Variants in CCDC92 observed in about 807,000 individuals in gnomAD.
CCDC92 encodes coiled-coil domain containing 92, also known as coiled-coil domain-containing protein 92.
CCDC92 carries 12 observed loss-of-function variants against 24.9 expected under a neutral mutation model. The ratio of observed to expected loss-of-function variants is 0.48; its 90% CI spans 0.31 to 0.78. CCDC92 has a LOEUF of 0.78. CCDC92 is among the 30% of genes least tolerant of loss of function. The pLI, the probability that CCDC92 is intolerant of heterozygous loss-of-function variation, is 0.05. For missense variants in CCDC92, 399 were observed against 439.4 expected (o/e 0.91, Z 0.82); for synonymous variants, 193 against 196.3 (o/e 0.98, Z 0.14).
At chr12:123,954,823 C>T (rs769513388) in intron 1 of CCDC92, among the ~76,000 whole-genome samples, 18 of 152,212 alleles carry the variant, frequency 1.2e-4, no homozygotes, top group East Asian at 1.9e-4. Context: ...GGTTCCTAAC[C>T]GCCAGGAGGC....
chr12:123,946,281 C>T (rs1449427701), intron 1 of CCDC92: 1 of 152,486 alleles, frequency 6.6e-6, no homozygotes, highest in African/African-American at 2.4e-5. Context: ...CTCGCTGGCC[C>T]TTCTCCTACC....
At chr12:123,961,463 A>C (rs577241844) in intron 1 of CCDC92, among the ~76,000 whole-genome samples, 1 of 152,382 alleles carries the variant, frequency 6.6e-6, no homozygotes, top group Non-Finnish European at 1.5e-5. Flanking sequence ...CCATTAAACT[A>C]TCTGATATGG....
chr12:123,971,579 T>C (rs1956537932), intron 1 of CCDC92: 1 of 152,236 alleles, frequency 6.6e-6, no homozygotes, highest in Admixed American at 6.5e-5. Flanking sequence ...AGCTTGCATT[T>C]TGTTATAAAA....
chr12:123,971,935 G>A (rs962828127), intron 1 of CCDC92: 15 of 152,360 alleles, frequency 9.8e-5, no homozygotes, highest in Non-Finnish European at 1.3e-4. Context: ...ACTTGTCAGG[G>A]AGGGTCTCTA....
At chr12:123,947,298 C>T (rs1955900084) in intron 1 of CCDC92, among the ~76,000 whole-genome samples, 1 of 152,212 alleles carries the variant, frequency 6.6e-6, no homozygotes, top group Non-Finnish European at 1.5e-5. Context: ...CCGCTCCCTG[C>T]TCCATGGTGC....
intron 1 of CCDC92, among the ~76,000 whole-genome samples, chr12:123,955,873 G>A (rs1956138473): frequency 6.6e-6 from 1 of 152,200 alleles, no homozygotes; most frequent in African/African-American, 2.4e-5. Context: ...AGGCATCAGA[G>A]AAGATGACTG....
intron 1 of CCDC92, among the ~76,000 whole-genome samples, chr12:123,949,990 C>G (rs189271501): frequency 7.2e-5 from 11 of 152,368 alleles, no homozygotes; most frequent in African/African-American, 2.6e-4. Context: ...CATGGACCAC[C>G]TGACTTGCCC....
chr12:123,941,967 C>A (rs1255120789), intron 4 of CCDC92, among the ~76,000 whole-genome samples: 1 of 152,196 alleles, frequency 6.6e-6, no homozygotes, highest in Non-Finnish European at 1.5e-5. Context: ...AGACTGCTGG[C>A]GAGTTGCACC....
At chr12:123,947,909 A>C (rs1241374042) in intron 1 of CCDC92, among the ~76,000 whole-genome samples, 3 of 152,134 alleles carry the variant, frequency 2.0e-5, no homozygotes, top group Non-Finnish European at 2.9e-5. Flanking sequence ...TGTAACACTC[A>C]CTGCGAAGGT....
chr12:123,940,594 G>A (rs997143394), intron 4 of CCDC92, among the ~76,000 whole-genome samples: 4 of 152,166 alleles, frequency 2.6e-5, no homozygotes, highest in Non-Finnish European at 4.4e-5. Flanking sequence ...TTTATAGAAA[G>A]CTCCACTCCA....
intron 1 of CCDC92, among the ~76,000 whole-genome samples, chr12:123,963,086 C>A (rs1218318611): frequency 6.6e-6 from 1 of 152,116 alleles, no homozygotes; most frequent in Non-Finnish European, 1.5e-5. Context: ...GTGGGTGCCA[C>A]CAGCATCTAG....
At chr12:123,943,063 C>G (rs1322359591) in intron 3 of CCDC92, among the ~76,000 whole-genome samples, 1 of 152,186 alleles carries the variant, frequency 6.6e-6, no homozygotes, top group Non-Finnish European at 1.5e-5. Flanking sequence ...GCAGCTGGCT[C>G]TATGTATCAC....
intron 1 of CCDC92, among the ~76,000 whole-genome samples, chr12:123,964,457 G>A (rs1220671251): frequency 6.6e-6 from 1 of 152,116 alleles, no homozygotes; most frequent in Non-Finnish European, 1.5e-5. Flanking sequence ...CATAAAGGAA[G>A]CATCTTTAAG....
intron 1 of CCDC92, 108 bp from the exon 2 acceptor site, chr12:123,944,472 G>T: frequency 1.6e-6 from 1 of 614,808 alleles, no homozygotes; most frequent in Non-Finnish European, 2.6e-6. Flanking sequence ...CGTAAAGGAG[G>T]TACAACTTCT....
chr12:123,950,049 G>C (rs145435414), intron 1 of CCDC92, among the ~76,000 whole-genome samples: 1 of 152,160 alleles, frequency 6.6e-6, no homozygotes, highest in Admixed American at 6.5e-5. Context: ...CTTGCAACCC[G>C]CCTCTGGGGA....
intron 1 of CCDC92, among the ~76,000 whole-genome samples, chr12:123,964,111 AGT>A (rs1956336637): frequency 6.6e-6 from 1 of 152,248 alleles, no homozygotes; most frequent in Admixed American, 6.5e-5. Flanking sequence ...TGAAGTAATT[AGT>A]GCTGCGCTGG....
At chr12:123,952,608 G>C (rs1411120526) in intron 1 of CCDC92, among the ~76,000 whole-genome samples, 1 of 152,182 alleles carries the variant, frequency 6.6e-6, no homozygotes, top group East Asian at 1.9e-4. Context: ...TTGCATGGTA[G>C]GACCCTATTA....
At chr12:123,969,897 A>G (rs1013539814) in intron 1 of CCDC92, 1 of 152,184 alleles carries the variant, frequency 6.6e-6, no homozygotes, top group African/African-American at 2.4e-5. Flanking sequence ...AGAAAAGGGT[A>G]ATTTTCCTCT....
At chr12:123,942,919 G>A in intron 3 of CCDC92, 134 bp from the exon 4 acceptor site, 1 of 749,374 alleles carries the variant, frequency 1.3e-6, no homozygotes, top group South Asian at 1.5e-5. Context: ...GGCAGCAGGA[G>A]AGGTGAGCAT....
Sources: gnomAD v4.1 joint callset for allele counts (sites outside exome capture counted in the v4.1 genomes callset) on GRCh38, gnomAD v4.1.1 for gene constraint, MANE v1.5 for transcripts, NCBI Gene and HGNC (gene_info 2026-07-23, HGNC 2026-07-21) for gene names.